Variants in FBXO47 observed in about 807,000 individuals in gnomAD.
FBXO47 encodes the protein F-box protein 47, also known as F-box only protein 47.
In FBXO47, 34 loss-of-function variants were observed where a neutral mutation model predicts 53.9. The ratio of observed to expected loss-of-function variants is 0.63; its 90% confidence interval spans 0.48 to 0.84. The LOEUF (loss-of-function observed/expected upper bound fraction) is 0.84, where lower values mean the gene tolerates loss of function less well. FBXO47 is among the 40% of genes least tolerant of loss of function. FBXO47 has a pLI of 0.00. For synonymous variants in FBXO47, 165 were observed against 181.6 expected (o/e 0.91, Z 0.73); for missense variants, 485 against 541.3 (o/e 0.90, Z 1.03).
At chr17:38,963,122 T>A (rs1289365410) in intron 1 of FBXO47, 71 bp from the exon 2 acceptor site, 14 of 982,302 alleles carry the variant, frequency 1.4e-5, no homozygotes, top group Admixed American at 4.7e-5. Flanking sequence ...TTTTTTTTTT[T>A]AAACGAAGAG....
At chr17:38,966,919 C>G (rs746395064) in intron 1 of FBXO47, among the ~76,000 whole-genome samples, 1 of 152,082 alleles carries the variant, frequency 6.6e-6, no homozygotes, top group Non-Finnish European at 1.5e-5. Flanking sequence ...CCTGTTCTAT[C>G]CCACTAATTT....
At chr17:38,948,760 T>G (rs1464730187) in intron 6 of FBXO47, among the ~76,000 whole-genome samples, 1 of 152,146 alleles carries the variant, frequency 6.6e-6, no homozygotes, top group Non-Finnish European at 1.5e-5. Context: ...ATTTATTTAT[T>G]TATTTTTATT....
chr17:38,951,843 C>T (rs911832101), intron 5 of FBXO47, among the ~76,000 whole-genome samples, 154 bp from the exon 6 acceptor site: 2 of 151,984 alleles, frequency 1.3e-5, no homozygotes, highest in Admixed American at 6.6e-5. Flanking sequence ...CCAGCCTGGA[C>T]AACATAGTAA....
At position 38,961,869 on chromosome 17, in the gene FBXO47, T is replaced by G; in HGVS notation, c.352+8A>C. The G allele has an allele frequency of 6.2e-7, 1 of 1,606,150 alleles. No individual in the cohort carries two copies. The highest frequency in any genetic ancestry group is 8.5e-7 in the Non-Finnish European group (1 of 1,177,796). On this transcript the variant is annotated splice_region_variant and intron_variant, in intron 3 of 10. Coordinates refer to ENST00000378079, the MANE Select transcript of FBXO47 (RefSeq NM_001008777.3). The stretch of plus-strand genomic sequence containing the variant: ...TTTACTTGTTGCAATTCTCATTACA[T>G]AAGTTACCTAGAGATCTGTAGTGCT...
intron 7 of FBXO47, 112 bp downstream of exon 7, chr17:38,944,848 A>AGGTGTGTGTGTGTGTGTGTGTGTG: frequency 1.6e-6 from 1 of 615,522 alleles, no homozygotes; most frequent in Non-Finnish European, 2.7e-6. Flanking sequence ...GCGTGCATGC[A>AGGTGTGTGTGTGTGTGTGTGTGTG]TGTGTGTGTG....
Position 38,944,848 on chromosome 17 carries a change from A to ATGTGTGTGTGTGTG in FBXO47, c.793+98_793+111dup, listed in dbSNP as rs71300085. On this transcript the variant is annotated intron_variant, in intron 7 of 10. Transcript: ENST00000378079. ...ATCGCACCACTGTGTGCGTGCATGCATGTGTGTGTGTGTGTGTGTGTGTAT... is the reference window on the plus strand; with the variant it reads ...ATCGCACCACTGTGTGCGTGCATGCATGTGTGTGTGTGTGTGTGTGTGTGTGTGTGTGTGTGTAT... 6.4e-3 allele frequency: 3,963 copies of ATGTGTGTGTGTGTG among 615,560 alleles called. 18 individuals are homozygous for ATGTGTGTGTGTGTG. Among genetic ancestry groups the ATGTGTGTGTGTGTG allele is most frequent in the South Asian group, 0.017 (782 of 45,320 alleles). The allele number at this position is 615,560 out of a possible 1,614,324, so 38.1% of individuals were successfully genotyped here. A position where few individuals can be genotyped will look rare whatever the true frequency, so the allele number is the denominator to read the frequency against.
chr17:38,947,402 C>T (rs1249703821), intron 6 of FBXO47, among the ~76,000 whole-genome samples: 1 of 151,956 alleles, frequency 6.6e-6, no homozygotes, highest in Non-Finnish European at 1.5e-5. Flanking sequence ...GATCATAGCT[C>T]ACTACAACCT....
chr17:38,957,698 C>CTT (rs67243641), intron 3 of FBXO47, among the ~76,000 whole-genome samples: 59 of 132,838 alleles, frequency 4.4e-4, no homozygotes, highest in Non-Finnish European at 5.6e-4. Flanking sequence ...ACTGATTTTT[C>CTT]TTTTTTTTTT....
chr17:38,966,327 T>C (rs1486205406), intron 1 of FBXO47, among the ~76,000 whole-genome samples: 1 of 151,938 alleles, frequency 6.6e-6, no homozygotes, highest in Non-Finnish European at 1.5e-5. Flanking sequence ...TCAGCCTCCC[T>C]AGTAGCTGGG....
chr17:38,961,638 C>T (rs1341282263), intron 3 of FBXO47, among the ~76,000 whole-genome samples: 3 of 152,260 alleles, frequency 2.0e-5, no homozygotes, highest in Middle Eastern at 3.4e-3. Flanking sequence ...CATTAAGCAT[C>T]GGTGACGTTA....
In FBXO47 at chr17:38,942,926, A is replaced by G; in HGVS notation, c.941-6T>C. Reference sequence around the variant, plus strand: ...AAGCCACTCACGGGGAACCACTTTTATTAGAGGAAGAACAATTATTTAATG... The same window carrying G: ...AAGCCACTCACGGGGAACCACTTTTGTTAGAGGAAGAACAATTATTTAATG... On this transcript the variant is annotated splice_region_variant and splice_polypyrimidine_tract_variant and intron_variant, in intron 8 of 10. Transcript: ENST00000378079. 6.2e-7 allele frequency: 1 copy of G among 1,600,380 alleles called. No homozygotes were observed. Among genetic ancestry groups the G allele is most frequent in the Non-Finnish European group, 8.5e-7 (1 of 1,174,320 alleles).
chr17:38,937,643 CT>C (rs1915611735), intron 10 of FBXO47, among the ~76,000 whole-genome samples: 1 of 151,988 alleles, frequency 6.6e-6, no homozygotes, highest in Non-Finnish European at 1.5e-5. Context: ...ATAAGATGTT[CT>C]AATTTTCCCT....
chr17:38,944,847 C>CGTGTGTGTGTGTGTGTGTGTGTGT (rs1462853688), intron 7 of FBXO47, 113 bp downstream of exon 7: 28 of 400,486 alleles, frequency 7.0e-5, no homozygotes, highest in Admixed American at 3.9e-4. Context: ...TGCGTGCATG[C>CGTGTGTGTGTGTGTGTGTGTGTGT]ATGTGTGTGT....
At chr17:38,962,356 C>T (rs1226020597) in intron 2 of FBXO47, among the ~76,000 whole-genome samples, 1 of 152,262 alleles carries the variant, frequency 6.6e-6, no homozygotes, top group East Asian at 1.9e-4. Flanking sequence ...TGACTCATGC[C>T]TGTAATCCCA....
chr17:38,946,697 T>A (rs1269502626), intron 6 of FBXO47, among the ~76,000 whole-genome samples: 1 of 708 alleles, frequency 1.4e-3, no homozygotes, highest in African/African-American at 5.7e-3. Context: ...AATATATAAA[T>A]ATATATAAAT....
intron 9 of FBXO47, among the ~76,000 whole-genome samples, chr17:38,939,323 A>AAAATAT (rs1555559726): frequency 3.2e-4 from 16 of 50,154 alleles, no homozygotes; most frequent in African/African-American, 1.1e-3. Context: ...AAAAAAAAAA[A>AAAATAT]ATATATATAT....
At chr17:38,957,525 CAT>C (rs1458902886) in intron 3 of FBXO47, among the ~76,000 whole-genome samples, 1 of 151,960 alleles carries the variant, frequency 6.6e-6, no homozygotes, top group Non-Finnish European at 1.5e-5. Context: ...TGGAAAAATA[CAT>C]AGAGTATAAA....
intron 4 of FBXO47, among the ~76,000 whole-genome samples, chr17:38,955,877 G>C (rs1905526526): frequency 7.0e-6 from 1 of 142,834 alleles, no homozygotes; most frequent in African/African-American, 2.6e-5. Context: ...AGAATTGCTT[G>C]AATCTGGGAG....
At chr17:38,959,432 T>C (rs1905708503) in intron 3 of FBXO47, among the ~76,000 whole-genome samples, 1 of 151,496 alleles carries the variant, frequency 6.6e-6, no homozygotes, top group Non-Finnish European at 1.5e-5. Flanking sequence ...ATACAAAAAT[T>C]AGTTAGACAT....
Sources: allele counts gnomAD v4.1 joint callset (sites outside exome capture counted in the v4.1 genomes callset), GRCh38; gene constraint gnomAD v4.1.1; transcripts MANE v1.5; gene names NCBI Gene and HGNC (gene_info 2026-07-23, HGNC 2026-07-21).